Variants in CDYL observed in about 807,000 individuals in gnomAD.
The protein encoded by CDYL is chromodomain Y like.
A neutral mutation model predicts 47.3 loss-of-function variants in CDYL; 8 were observed. The observed-to-expected ratio is 0.17, with a 90% confidence interval of 0.10 to 0.31. The LOEUF (loss-of-function observed/expected upper bound fraction) is 0.31, where lower values mean the gene tolerates loss of function less well. Among genes scored for constraint, CDYL ranks in the 10% least tolerant of loss-of-function variants. CDYL has a pLI of 1.00. For missense variants in CDYL, 471 were observed against 701.4 expected, an observed-to-expected ratio of 0.67 and a Z score of 3.71; for synonymous variants, 266 against 265.0, an observed-to-expected ratio of 1.00 and a Z score of -0.04.
chr6:4,725,517 G>C (rs970806283), intron 2 of CDYL, among the ~76,000 whole-genome samples: 3 of 152,360 alleles, frequency 2.0e-5, no homozygotes, highest in African/African-American at 7.2e-5. Context: ...GCGAGAAGTC[G>C]AGCACAGCAG....
chr6:4,730,674 C>CCA (rs1757588631), intron 2 of CDYL, among the ~76,000 whole-genome samples: 1 of 60,452 alleles, frequency 1.7e-5, no homozygotes, highest in Non-Finnish European at 3.6e-5. Flanking sequence ...AATTCCATCT[C>CCA]AAAAAAAAAA....
chr6:4,792,263 AT>A (rs1758945887), intron 1 of CDYL, among the ~76,000 whole-genome samples: 1 of 151,526 alleles, frequency 6.6e-6, no homozygotes, highest in African/African-American at 2.4e-5. Context: ...TTCCTTGTTG[AT>A]TTGTTGGAGA....
At chr6:4,725,581 C>T (rs1158391377) in intron 2 of CDYL, among the ~76,000 whole-genome samples, 4 of 152,228 alleles carry the variant, frequency 2.6e-5, no homozygotes, top group African/African-American at 7.2e-5. Flanking sequence ...GGTGGACCTG[C>T]ACCTCCGGGG....
At chr6:4,735,907 G>C (rs997629780) in intron 3 of CDYL, among the ~76,000 whole-genome samples, 2 of 4,328 alleles carry the variant, frequency 4.6e-4, no homozygotes, top group African/African-American at 6.4e-4. Flanking sequence ...GCACGTGATG[G>C]GGGGGGGTGG....
chr6:4,747,779 A>G (rs758597848), intron 3 of CDYL, among the ~76,000 whole-genome samples: 1 of 152,266 alleles, frequency 6.6e-6, no homozygotes, highest in Non-Finnish European at 1.5e-5. Context: ...ACAACTGTGA[A>G]GTTAAATGCC....
At chr6:4,862,938 C>T (rs1051833360) in intron 1 of CDYL, among the ~76,000 whole-genome samples, 1 of 152,184 alleles carries the variant, frequency 6.6e-6, no homozygotes, top group Non-Finnish European at 1.5e-5. Flanking sequence ...ATAGCAAAAT[C>T]ATGGAATCTA....
At chr6:4,808,557 A>G (rs1478051778) in intron 1 of CDYL, among the ~76,000 whole-genome samples, 1 of 152,222 alleles carries the variant, frequency 6.6e-6, no homozygotes, top group Non-Finnish European at 1.5e-5. Context: ...ACTGTAGCCC[A>G]TGGGTTCAAT....
intron 2 of CDYL, among the ~76,000 whole-genome samples, chr6:4,894,270 G>T (rs1561691835): frequency 6.6e-6 from 1 of 152,166 alleles, no homozygotes; most frequent in Admixed American, 6.5e-5. Flanking sequence ...TCCCAGCATT[G>T]CTTGTTGCCT....
chr6:4,937,837 C>G, intron 4 of CDYL, 100 bp downstream of exon 4: 1 of 848,718 alleles, frequency 1.2e-6, no homozygotes, highest in South Asian at 1.8e-5. Flanking sequence ...GAATAAGATA[C>G]ACATCTTCTC....
At chr6:4,871,813 T>C (rs1761482794) in intron 1 of CDYL, among the ~76,000 whole-genome samples, 1 of 152,228 alleles carries the variant, frequency 6.6e-6, no homozygotes, top group Non-Finnish European at 1.5e-5. Flanking sequence ...GACACTCATC[T>C]TCTGATATTC....
chr6:4,788,113 G>A (rs969173729), intron 1 of CDYL, among the ~76,000 whole-genome samples: 1 of 152,030 alleles, frequency 6.6e-6, no homozygotes, highest in Non-Finnish European at 1.5e-5. Flanking sequence ...GAAAGGAAAG[G>A]TCAGGGTCCT....
rs149365343 is a variant in CDYL at position 4,856,801 on chromosome 6, A to G, written c.25-34912A>G. Reference sequence around the variant, plus strand: ...CAGGTAGAACTTTGTGAAGCCTTTTACACCTCATTGGAAAAGTCAAGAAGA... The same window carrying G: ...CAGGTAGAACTTTGTGAAGCCTTTTGCACCTCATTGGAAAAGTCAAGAAGA... On this transcript the variant is annotated intron_variant, in intron 1 of 6. Coordinates refer to ENST00000397588, the MANE Select transcript of CDYL (RefSeq NM_004824.4). Among the ~76,000 whole-genome samples, 316 of 152,314 alleles carry G rather than the reference A, an allele frequency of 2.1e-3. 1 individual carries two copies. Among genetic ancestry groups the G allele is most frequent in the Non-Finnish European group, 3.9e-3 (262 of 68,036 alleles).
chr6:4,792,573 C>T (rs1231383121), intron 1 of CDYL, among the ~76,000 whole-genome samples: 1 of 151,716 alleles, frequency 6.6e-6, no homozygotes, highest in East Asian at 1.9e-4. Context: ...GTAGCTGGGA[C>T]TACAGGCACA....
intron 1 of CDYL, chr6:4,715,601 T>C: frequency 4.2e-6 from 3 of 708,258 alleles, no homozygotes; most frequent in Middle Eastern, 3.2e-4. Flanking sequence ...CTGACATTTA[T>C]TGCTTCCTCT....
At chr6:4,845,895 T>C (rs1038235923) in intron 1 of CDYL, among the ~76,000 whole-genome samples, 1 of 152,046 alleles carries the variant, frequency 6.6e-6, no homozygotes, top group Non-Finnish European at 1.5e-5. Flanking sequence ...ACGAGTTGAA[T>C]GAAAAAAATA....
chr6:4,772,975 A>C (rs1484967189), upstream of CDYL: 9 of 373,124 alleles, frequency 2.4e-5, no homozygotes, highest in Non-Finnish European at 4.8e-5. Context: ...AAAGGAAGAC[A>C]TGCCTGGTTT....
At chr6:4,952,890 C>T (rs1455044241) in intron 6 of CDYL, among the ~76,000 whole-genome samples, 1 of 151,972 alleles carries the variant, frequency 6.6e-6, no homozygotes, top group Non-Finnish European at 1.5e-5. Flanking sequence ...GCTTCAGCCT[C>T]CCGAGTAGCT....
At chr6:4,841,674 A>G (rs1407239415) in intron 1 of CDYL, among the ~76,000 whole-genome samples, 5 of 151,912 alleles carry the variant, frequency 3.3e-5, no homozygotes, top group Non-Finnish European at 7.4e-5. Flanking sequence ...GGAGCAGGTT[A>G]TTTAATTTTT....
chr6:4,780,325 C>T (rs991902331), intron 1 of CDYL, among the ~76,000 whole-genome samples: 6 of 145,744 alleles, frequency 4.1e-5, no homozygotes, highest in South Asian at 2.2e-4. Flanking sequence ...CTCTGCCTCC[C>T]GGGTTCAAAG....
Sources: allele counts gnomAD v4.1 joint callset (sites outside exome capture counted in the v4.1 genomes callset), GRCh38; gene constraint gnomAD v4.1.1; transcripts MANE v1.5; gene names NCBI Gene and HGNC (gene_info 2026-07-23, HGNC 2026-07-21).